ZNF844: variants seen among roughly 807,000 people sequenced by gnomAD.
ZNF844 encodes the protein zinc finger protein 844.
ZNF844 carries 11 observed loss-of-function variants against 11.4 expected under a neutral mutation model. The observed-to-expected ratio is 0.97, with a 90% CI of 0.61 to 1.60. The LOEUF (loss-of-function observed/expected upper bound fraction) is 1.60, where lower values mean the gene tolerates loss of function less well. Ranked by LOEUF, ZNF844 falls within the 40% of genes most tolerant of loss-of-function variation. ZNF844 has a pLI of 0.00. For missense variants in ZNF844, 790 were observed against 796.8 expected, an observed-to-expected ratio of 0.99 and a Z score of 0.10; for synonymous variants, 248 against 260.3, an observed-to-expected ratio of 0.95 and a Z score of 0.46.
Position 12,078,051 on chromosome 19 carries a change from A to G in ZNF844, c.*930A>G, listed in dbSNP as rs1243681149. The stretch of plus-strand genomic sequence containing the variant: ...TCATCGTGTTAGCCAGGATGGTCTC[A>G]ATCTCCTGACCTCGTGATCTGCCCG... On this transcript the variant is annotated 3_prime_UTR_variant, in exon 4 of 4. Coordinates refer to ENST00000439326, the MANE Select transcript of ZNF844 (RefSeq NM_001136501.3). The G allele has an allele frequency of 2.5e-5, 4 of 163,076 alleles. No individual in the cohort carries two copies. The highest frequency in any genetic ancestry group is 6.1e-5 in the Admixed American group (1 of 16,488). The allele number at this position is 163,076 out of a possible 1,614,324, so 10.1% of individuals were successfully genotyped here. A position where few individuals can be genotyped will look rare whatever the true frequency, so the allele number is the denominator to read the frequency against.
rs1469219499 is a variant in ZNF844 at position 12,077,672 on chromosome 19, AC to A, written c.*552del. 2.0e-6 allele frequency: 1 copy of A among 509,358 alleles called. No individual in the cohort carries two copies. Among genetic ancestry groups the A allele is most frequent in the Non-Finnish European group, 3.9e-6 (1 of 255,936 alleles). The allele number at this position is 509,358 out of a possible 1,614,324, so 31.6% of individuals were successfully genotyped here. A position where few individuals can be genotyped will look rare whatever the true frequency, so the allele number is the denominator to read the frequency against. ...GTGGGAAAGCCTACAGATCTGTCTC[AC>A]AACTTCTGGTGCATGAAAGGACTCA... On this transcript the variant is annotated 3_prime_UTR_variant, in exon 4 of 4. Transcript: ENST00000439326.
Position 12,077,781 on chromosome 19 carries a change from G to A in ZNF844, c.*660G>A, listed in dbSNP as rs1315470464. ...GAACCTTCAAATACAGACAATGAAT[G>A]TAAACAATTAAATGTTTATAGCAGC... On this transcript the variant is annotated 3_prime_UTR_variant, in exon 4 of 4. Transcript: ENST00000439326. 2.9e-6 allele frequency: 1 copy of A among 344,414 alleles called. No individual in the cohort carries two copies. The highest frequency in any genetic ancestry group is 2.5e-5 in the South Asian group (1 of 40,478). The allele number at this position is 344,414 out of a possible 1,614,324, so 21.3% of individuals were successfully genotyped here.
At position 12,079,278 on chromosome 19, in the gene ZNF844, G is replaced by A. The variant is rs1039789392; in HGVS notation, c.*2157G>A. On this transcript the variant is annotated 3_prime_UTR_variant, in exon 4 of 4. Transcript: ENST00000439326. ...TAGCCATGAAAGAACTCGCTGAAGA[G>A]AAACCCTGTAAATGAAGGGAATGTG... 1 of 152,196 alleles carries A rather than the reference G, an allele frequency of 6.6e-6. No homozygotes were observed. The allele number at this position is 152,196 out of a possible 1,614,324, so 9.4% of individuals were successfully genotyped here.
intron 1 of ZNF844, among the ~76,000 whole-genome samples, chr19:12,068,640 A>T (rs1023693860): frequency 1.6e-4 from 24 of 152,232 alleles, no homozygotes; most frequent in African/African-American, 5.8e-4. Context: ...CTCAAAAAAA[A>T]TAAAAAATAA....
At position 12,077,569 on chromosome 19, in the gene ZNF844, A is replaced by G. The variant is rs954004569; in HGVS notation, c.*448A>G. 9 of 593,496 alleles carry G rather than the reference A, an allele frequency of 1.5e-5. No homozygotes were observed. The African/African-American group carries it at 1.7e-4, about 11-fold the overall frequency. 36.8% of individuals were successfully genotyped at this position (593,496 alleles called of 1,614,324 possible). On this transcript the variant is annotated 3_prime_UTR_variant, in exon 4 of 4. Transcript: ENST00000439326. Reference sequence around the variant, plus strand: ...CCCTATGAATGTAAGCAGTGTGGTAAAGCCTTCAGATCTGCCACTCAACTT... The same window carrying G: ...CCCTATGAATGTAAGCAGTGTGGTAGAGCCTTCAGATCTGCCACTCAACTT...
chr19:12,067,773 G>A (rs1203324807), intron 1 of ZNF844, among the ~76,000 whole-genome samples: 6 of 151,222 alleles, frequency 4.0e-5, no homozygotes, highest in Non-Finnish European at 8.8e-5. Context: ...AAAATTAGCC[G>A]GGCGTGGTAG....
intron 1 of ZNF844, among the ~76,000 whole-genome samples, chr19:12,073,653 C>T (rs760500386): frequency 7.9e-5 from 12 of 151,172 alleles, no homozygotes; most frequent in Non-Finnish European, 1.8e-4. Context: ...CAGGCATTTT[C>T]AAGGATATAT....
chr19:12,075,626 A>T lies in ZNF844; in HGVS notation c.506A>T (p.Tyr169Phe), dbSNP rs749257684. The change falls in exon 4 of 4, where the codon TAT becomes TTT. Residue 169 changes from tyrosine to phenylalanine, a missense_variant. Coordinates refer to ENST00000439326, the MANE Select transcript of ZNF844 (RefSeq NM_001136501.3). ...QEKAHTGEKLYDCKECGKTFI... is the reference protein window; with the variant it reads ...QEKAHTGEKLFDCKECGKTFI... ...AAGGCTCACACTGGAGAAAAACTCT[A>T]TGATTGTAAAGAATGTGGAAAAACC... 3.1e-6 allele frequency: 5 copies of T among 1,613,124 alleles called. No homozygotes were observed. The highest frequency in any genetic ancestry group is 4.2e-6 in the Non-Finnish European group (5 of 1,179,732).
At chr19:12,066,530 CTTTTTTT>C (rs80186949) in intron 1 of ZNF844, among the ~76,000 whole-genome samples, 1,537 of 92,350 alleles carry the variant, frequency 0.017, 11 homozygotes, top group Non-Finnish European at 0.023. Context: ...TAAATGTCTT[CTTTTTTT>C]TTTTTTTTTT....
In ZNF844 at chr19:12,076,872, G is replaced by A; in HGVS notation, c.1752G>A (p.Met584Ile). The A allele has an allele frequency of 1.3e-6, 2 of 1,566,806 alleles. No homozygotes were observed. Among genetic ancestry groups the A allele is most frequent in the Admixed American group, 1.9e-5 (1 of 52,540 alleles). ...KYMQQCTEDR[M>I]PMNVKSVTKH... ...TGCAACAATGCACAGAGGACAGAAT[G>A]CCTATGAATGTAAAGAGTGTGACAA... The change falls in exon 4 of 4, where the codon ATG (methionine) becomes ATA (isoleucine). Residue 584 changes from methionine (M) to isoleucine (I), a missense_variant. Coordinates refer to ENST00000439326, the MANE Select transcript of ZNF844 (RefSeq NM_001136501.3).
Position 12,076,836 on chromosome 19 carries a change from T to A in ZNF844, c.1716T>A (p.Pro572=). 6.4e-7 allele frequency: 1 copy of A among 1,560,238 alleles called. No homozygotes were observed. Among genetic ancestry groups the A allele is most frequent in the Non-Finnish European group, 8.7e-7 (1 of 1,151,534 alleles). ...AAAAGCATTCAACAATTTCTCTTCC[T>A]TTCAAATACATGCAACAATGCACAG... ...NMEKHSTISL[P]FKYMQQCTED... Residue 572 remains proline (P), a synonymous_variant, in exon 4 of 4, where the codon CCT becomes CCA. Coordinates refer to ENST00000439326, the MANE Select transcript of ZNF844 (RefSeq NM_001136501.3).
chr19:12,065,237 G>C (rs1975674968), intron 1 of ZNF844, among the ~76,000 whole-genome samples: 1 of 152,106 alleles, frequency 6.6e-6, no homozygotes, highest in Non-Finnish European at 1.5e-5. Flanking sequence ...TGCGGGAGGA[G>C]CTGCGCTGTG....
In ZNF844 at chr19:12,077,030, T is replaced by C. The variant is rs747226280; in HGVS notation, c.1910T>C (p.Leu637Pro). The C allele has an allele frequency of 1.5e-4, 242 of 1,597,214 alleles. 2 individuals are homozygous for C. In the Admixed American group the frequency reaches 4.2e-3, roughly 28 times the overall value. ...TGCGTATACACAAAAGGATGCACAC[T>C]GGAGAGAAACCATATTAATGTAAGG... ...LLCVYTKGCT[L>P]ERNHINVRIV... Residue 637 changes from leucine (L) to proline (P), a missense_variant, in exon 4 of 4, where the codon CTG becomes CCG. Leu to Pro is a moderately conservative substitution (Grantham distance 98, BLOSUM62 -3). This residue lies in a region of ZNF844 where 657 missense variants were observed against 636.2 expected (regional missense o/e 1.03). Coordinates refer to ENST00000439326, the MANE Select transcript of ZNF844 (RefSeq NM_001136501.3).
intron 1 of ZNF844, among the ~76,000 whole-genome samples, chr19:12,067,517 G>C (rs992760164): frequency 6.9e-5 from 10 of 145,788 alleles, no homozygotes; most frequent in African/African-American, 2.5e-4. Flanking sequence ...TGAGGCAGGG[G>C]AATTGCTTGC....
chr19:12,074,689 T>G (rs1305590717), intron 3 of ZNF844, among the ~76,000 whole-genome samples: 1 of 152,134 alleles, frequency 6.6e-6, no homozygotes, highest in Non-Finnish European at 1.5e-5. Flanking sequence ...CGAGACTTCA[T>G]CTCAAACAAA....
At chr19:12,070,476 A>G (rs1006327027) in intron 1 of ZNF844, among the ~76,000 whole-genome samples, 1 of 152,166 alleles carries the variant, frequency 6.6e-6, no homozygotes, top group Non-Finnish European at 1.5e-5. Flanking sequence ...ACAGTCTCCA[A>G]TCTCATCCTG....
At chr19:12,071,231 G>T (rs1975749650) in intron 1 of ZNF844, among the ~76,000 whole-genome samples, 1 of 152,122 alleles carries the variant, frequency 6.6e-6, no homozygotes, top group Non-Finnish European at 1.5e-5. Context: ...AACTGCTGCA[G>T]TATTTTAATT....
chr19:12,075,428 G>A lies in ZNF844; in HGVS notation c.308G>A (p.Cys103Tyr), dbSNP rs768752646. ...NKKTSPGVKS[C>Y]ESSVCGEVFV... ...AAAACTTCTCCTGGAGTAAAATCAT[G>A]TGAAAGCAGTGTGTGTGGAGAAGTC... The change falls in exon 4 of 4, where the codon TGT becomes TAT. Residue 103 changes from cysteine (C) to tyrosine (Y), a missense_variant. Cys to Tyr is a radical substitution (Grantham distance 194, BLOSUM62 -2). Coordinates refer to ENST00000439326, the MANE Select transcript of ZNF844 (RefSeq NM_001136501.3). The A allele has an allele frequency of 2.5e-6, 4 of 1,610,290 alleles. No individual in the cohort carries two copies.
At chr19:12,072,032 A>G (rs563529080) in intron 1 of ZNF844, among the ~76,000 whole-genome samples, 1 of 152,114 alleles carries the variant, frequency 6.6e-6, no homozygotes, top group Admixed American at 6.6e-5. Context: ...GATTCCAGGC[A>G]TCCACCACCA....
Sources: allele counts gnomAD v4.1 joint callset (sites outside exome capture counted in the v4.1 genomes callset), GRCh38; gene constraint gnomAD v4.1.1; regional missense constraint gnomAD v4.1.1; transcripts MANE v1.5; gene names NCBI Gene and HGNC (gene_info 2026-07-23, HGNC 2026-07-21).